The following MLC1 variants were observed in gnomAD, a reference collection of about 807,000 sequenced individuals.
MLC1 encodes the protein membrane protein MLC1.
Under a neutral mutation model 44.7 loss-of-function variants are expected in MLC1, and 32 were observed. The ratio of observed to expected loss-of-function variants is 0.72; its 90% CI spans 0.54 to 0.96. MLC1 has a LOEUF of 0.96. Ranked by LOEUF, MLC1 falls within the 40% of genes least tolerant of loss-of-function variation. The probability of loss-of-function intolerance (pLI) is 0.00; values close to 1 mark genes in which losing one functional copy is unlikely to be tolerated. For synonymous variants in MLC1, 190 were observed against 213.0 expected (o/e 0.89, Z 0.94); for missense variants, 459 against 492.2 (o/e 0.93, Z 0.64).
At chr22:50,067,125 A>G (rs1760801096) in intron 10 of MLC1, among the ~76,000 whole-genome samples, 1 of 152,176 alleles carries the variant, frequency 6.6e-6, no homozygotes, top group South Asian at 2.1e-4. Flanking sequence ...TAGGAGATAT[A>G]TTAAATGTCA....
intron 7 of MLC1, among the ~76,000 whole-genome samples, chr22:50,076,125 CA>C (rs1194673635): frequency 6.6e-6 from 1 of 152,086 alleles, no homozygotes; most frequent in Non-Finnish European, 1.5e-5. Context: ...AGAAATTTAT[CA>C]GTAATAACTC....
chr22:50,070,565 C>T lies in MLC1; in HGVS notation c.733G>A (p.Ala245Thr). Residue 245 changes from alanine to threonine, a missense_variant, in exon 9 of 12, where the codon GCC becomes ACC. Coordinates refer to ENST00000311597, the MANE Select transcript of MLC1 (RefSeq NM_015166.4). ...GGACACTCTGCTGCCACATGACTGG[C>T]AATGGCACTTGGAAAGCACTAAGAG... Reference protein sequence around the residue: ...ILVACFPSAIASHVAAECPSK... With the variant: ...ILVACFPSAITSHVAAECPSK... 6.4e-7 allele frequency: 1 copy of T among 1,565,248 alleles called. No homozygotes were observed. Among genetic ancestry groups the T allele is most frequent in the Non-Finnish European group, 8.7e-7 (1 of 1,154,054 alleles).
chr22:50,085,098 T>C, intron 1 of MLC1, 137 bp from the exon 2 acceptor site: 1 of 1,442,896 alleles, frequency 6.9e-7, no homozygotes, highest in Non-Finnish European at 9.1e-7. Context: ...AGCACTTGAA[T>C]CTAAAAGTGA....
At chr22:50,068,725 C>CTTTTTTTTTTT (rs765426637) in intron 9 of MLC1, among the ~76,000 whole-genome samples, 170 bp from the exon 10 acceptor site, 4 of 105,256 alleles carry the variant, frequency 3.8e-5, no homozygotes, top group Admixed American at 1.1e-4. Context: ...TTTTCTTTTT[C>CTTTTTTTTTTT]TTTTTTTTTT....
intron 10 of MLC1, among the ~76,000 whole-genome samples, chr22:50,064,749 G>C (rs1220417025): frequency 6.6e-6 from 1 of 152,110 alleles, no homozygotes; most frequent in Non-Finnish European, 1.5e-5. Context: ...AGGATGCAGG[G>C]GGCCAGAGAG....
chr22:50,073,622 A>G (rs2061910760), intron 8 of MLC1, among the ~76,000 whole-genome samples: 1 of 152,188 alleles, frequency 6.6e-6, no homozygotes, highest in Non-Finnish European at 1.5e-5. Flanking sequence ...AATCCCAGCT[A>G]CTTGGGAGGC....
chr22:50,077,991 A>ATTT (rs3041368), intron 5 of MLC1, among the ~76,000 whole-genome samples: 18,402 of 143,906 alleles, frequency 0.13, 1,388 homozygotes, highest in Admixed American at 0.2. Context: ...CTGTCTGACA[A>ATTT]TTTTTTTTTT....
In MLC1 at chr22:50,077,330, A is replaced by T. The variant is rs1379250923; in HGVS notation, c.525+71T>A. 6 of 1,374,756 alleles carry T rather than the reference A, an allele frequency of 4.4e-6. No individual in the cohort carries two copies. In the African/African-American group the frequency reaches 5.7e-5, roughly 13 times the overall value. The allele number at this position is 1,374,756 out of a possible 1,614,324, so 85.2% of individuals were successfully genotyped here. On this transcript the variant is annotated intron_variant, in intron 6 of 11. Coordinates refer to ENST00000311597, the MANE Select transcript of MLC1 (RefSeq NM_015166.4). ...GATCGGCCCTCCGAGGGTGACGCTG[A>T]GACCCACCTCGCTCACCCTGGGGTG...
At position 50,084,797 on chromosome 22, in the gene MLC1, C is replaced by T. The variant is rs748287655; in HGVS notation, c.106G>A (p.Asp36Asn). 12 of 1,613,946 alleles carry T rather than the reference C, an allele frequency of 7.4e-6. No homozygotes were observed. The highest frequency in any genetic ancestry group is 9.3e-6 in the Non-Finnish European group (11 of 1,180,052). The change falls in exon 2 of 12, where the codon GAC becomes AAC. Residue 36 changes from aspartate (D) to asparagine (N), a missense_variant. By Grantham distance (23) the Asp-to-Asn change is conservative. Coordinates refer to ENST00000311597, the MANE Select transcript of MLC1 (RefSeq NM_015166.4). Reference sequence around the variant, plus strand: ...GGCAGTCTCTTCGACAGCTGCAGGTCGCTCGGCTTCGCGTCTGGGGCATAG... The same window carrying T: ...GGCAGTCTCTTCGACAGCTGCAGGTTGCTCGGCTTCGCGTCTGGGGCATAG... Reference protein sequence around the residue: ...ASYAPDAKPSDLQLSKRLPPC... With the variant: ...ASYAPDAKPSNLQLSKRLPPC...
chr22:50,074,116 C>T, intron 8 of MLC1, 100 bp downstream of exon 8: 2 of 985,878 alleles, frequency 2.0e-6, no homozygotes, highest in East Asian at 2.5e-5. Context: ...TGTGGTGACT[C>T]TCTGTCTGAA....
intron 6 of MLC1, 68 bp downstream of exon 6, chr22:50,077,333 C>T: frequency 7.1e-7 from 1 of 1,399,514 alleles, no homozygotes; most frequent in Non-Finnish European, 1.0e-6. Flanking sequence ...GACGCTGAGA[C>T]CCACCTCGCT....
chr22:50,071,189 A>T (rs182496971), intron 8 of MLC1, among the ~76,000 whole-genome samples: 1 of 150,446 alleles, frequency 6.6e-6, no homozygotes, highest in Non-Finnish European at 1.5e-5. Flanking sequence ...ACTCACTGCA[A>T]CCTCCACCTC....
At chr22:50,075,110 ACCAGCACCGCCAGAC>A in intron 7 of MLC1, among the ~76,000 whole-genome samples, 1 of 147,778 alleles carries the variant, frequency 6.8e-6, no homozygotes, top group South Asian at 2.1e-4. Flanking sequence ...CAGGGCCGCA[ACCAGCACCGCCAGAC>A]TCAGGGAGGG....
intron 2 of MLC1, among the ~76,000 whole-genome samples, 174 bp downstream of exon 2, chr22:50,084,552 T>C (rs2062233053): frequency 6.6e-6 from 1 of 152,176 alleles, no homozygotes; most frequent in South Asian, 2.1e-4. Flanking sequence ...TTAATAAAAA[T>C]AATTGTGAAA....
At chr22:50,071,388 G>A (rs1336267351) in intron 8 of MLC1, among the ~76,000 whole-genome samples, 3 of 152,174 alleles carry the variant, frequency 2.0e-5, no homozygotes, top group African/African-American at 7.2e-5. Context: ...CACCGCACCT[G>A]GCCCTGGTCA....
chr22:50,062,591 C>T lies in MLC1; in HGVS notation c.1060-934G>A, dbSNP rs1202578998. Among the ~76,000 whole-genome samples, 7 of 152,358 alleles carry T rather than the reference C, an allele frequency of 4.6e-5. No individual in the cohort carries two copies. The East Asian group carries it at 9.6e-4, about 21-fold the overall frequency. Reference sequence around the variant, plus strand: ...GAGAAACGAGCCAAGGGCAAGAGAGCGTCCTCCGGGACTTAGCGGGCACTG... The same window carrying T: ...GAGAAACGAGCCAAGGGCAAGAGAGTGTCCTCCGGGACTTAGCGGGCACTG... On this transcript the variant is annotated intron_variant, in intron 11 of 11. Transcript: ENST00000311597.
chr22:50,068,885 C>G (rs1453236936), intron 9 of MLC1, among the ~76,000 whole-genome samples: 1 of 151,972 alleles, frequency 6.6e-6, no homozygotes, highest in African/African-American at 2.4e-5. Context: ...CGCCACCACA[C>G]CCAGCTAATT....
At chr22:50,063,201 G>T (rs3817812) in intron 11 of MLC1, among the ~76,000 whole-genome samples, 18,495 of 152,094 alleles carry the variant, frequency 0.12, 1,262 homozygotes, top group South Asian at 0.23. Flanking sequence ...ACGGCTGGGC[G>T]CGGTGGCTCA....
intron 8 of MLC1, 88 bp downstream of exon 8, chr22:50,074,128 G>T: frequency 9.2e-7 from 1 of 1,081,552 alleles, no homozygotes. Flanking sequence ...CTGTCTGAAT[G>T]CACCAAGACT....
Sources: allele counts gnomAD v4.1 joint callset (sites outside exome capture counted in the v4.1 genomes callset), GRCh38; gene constraint gnomAD v4.1.1; transcripts MANE v1.5; gene names NCBI Gene and HGNC (gene_info 2026-07-23, HGNC 2026-07-21).